Variants in CNTN5 observed in about 807,000 individuals in gnomAD.
CNTN5 encodes the protein contactin 5.
A neutral mutation model predicts 129.1 loss-of-function variants in CNTN5; 77 were observed. The ratio of observed to expected loss-of-function variants is 0.60; its 90% confidence interval spans 0.50 to 0.72. The LOEUF is 0.72. Among genes scored for constraint, CNTN5 ranks in the 30% least tolerant of loss-of-function variants. The pLI is 0.00. For missense variants in CNTN5, 1,478 were observed against 1,328.8 expected, an observed-to-expected ratio of 1.11 and a Z score of -1.75; for synonymous variants, 509 against 465.6, an observed-to-expected ratio of 1.09 and a Z score of -1.20.
intron 21 of CNTN5, among the ~76,000 whole-genome samples, chr11:100,327,714 A>G (rs182483347): frequency 4.6e-5 from 7 of 152,316 alleles, no homozygotes; most frequent in Admixed American, 1.3e-4. Context: ...TTGGTAAATA[A>G]CACTGAGTCA....
At chr11:99,581,851 A>C (rs1248277726) in intron 3 of CNTN5, among the ~76,000 whole-genome samples, 1 of 152,118 alleles carries the variant, frequency 6.6e-6, no homozygotes, top group East Asian at 1.9e-4. Context: ...GTTATATGTG[A>C]ATTTGATCCT....
chr11:99,576,193 G>C (rs936277446), intron 3 of CNTN5, among the ~76,000 whole-genome samples: 1 of 152,178 alleles, frequency 6.6e-6, no homozygotes, highest in African/African-American at 2.4e-5. Flanking sequence ...AGGAATGAGA[G>C]ATTGAATTTT....
At chr11:99,885,513 G>C (rs1444681892) in intron 6 of CNTN5, among the ~76,000 whole-genome samples, 1 of 152,008 alleles carries the variant, frequency 6.6e-6, no homozygotes, top group Non-Finnish European at 1.5e-5. Flanking sequence ...TTGTAAATAA[G>C]CAAAACTGAG....
intron 13 of CNTN5, among the ~76,000 whole-genome samples, chr11:100,132,207 C>T (rs867161099): frequency 3.3e-5 from 5 of 152,108 alleles, no homozygotes; most frequent in South Asian, 2.1e-4. Flanking sequence ...AAGGTCAACG[C>T]TTATTCAGGT....
intron 3 of CNTN5, among the ~76,000 whole-genome samples, chr11:99,772,923 T>A (rs1235464362): frequency 6.6e-6 from 1 of 152,100 alleles, no homozygotes; most frequent in Non-Finnish European, 1.5e-5. Flanking sequence ...TTTTGTATTG[T>A]CTAAGTCAGA....
chr11:100,042,941 A>T (rs1397769544), intron 9 of CNTN5, among the ~76,000 whole-genome samples: 3 of 152,208 alleles, frequency 2.0e-5, no homozygotes, highest in Non-Finnish European at 2.9e-5. Context: ...ACAGAACTAA[A>T]ATAGGAGAAA....
At chr11:99,313,490 C>G (rs1865205270) in intron 1 of CNTN5, among the ~76,000 whole-genome samples, 1 of 151,922 alleles carries the variant, frequency 6.6e-6, no homozygotes, top group Non-Finnish European at 1.5e-5. Flanking sequence ...AACATTGAAA[C>G]AGCAGGGAAA....
At chr11:99,907,100 G>GT (rs761286896) in intron 6 of CNTN5, among the ~76,000 whole-genome samples, 4 of 151,946 alleles carry the variant, frequency 2.6e-5, no homozygotes, top group South Asian at 2.1e-4. Flanking sequence ...TTTTTGAAGG[G>GT]TTTTTTGTGT....
rs948403527 is a variant in CNTN5, at chr11:99,028,059, T to C, written c.-210+6789T>C. On this transcript the variant is annotated intron_variant, in intron 1 of 24. Transcript: ENST00000524871. Reference sequence around the variant, plus strand: ...TTTGAATTTTTACTTTCCTTAGTTATTTATTTTCCTAAAACTTACATTCAA... The same window carrying C: ...TTTGAATTTTTACTTTCCTTAGTTACTTATTTTCCTAAAACTTACATTCAA... Among the ~76,000 whole-genome samples the C allele has an allele frequency of 2.6e-5, 4 of 151,806 alleles. No homozygotes were observed. In the East Asian group the frequency reaches 5.8e-4, roughly 22 times the overall value.
chr11:99,784,936 A>G (rs1431657597), intron 3 of CNTN5, among the ~76,000 whole-genome samples: 2 of 151,308 alleles, frequency 1.3e-5, no homozygotes, highest in South Asian at 2.1e-4. Context: ...AATAGGTGAG[A>G]CTACAGGTGC....
chr11:99,785,128 G>A (rs1280567238), intron 3 of CNTN5, among the ~76,000 whole-genome samples: 1 of 151,878 alleles, frequency 6.6e-6, no homozygotes, highest in Non-Finnish European at 1.5e-5. Context: ...CCTTATTGTG[G>A]TTTTGATTTG....
chr11:100,122,312 C>T (rs1053742400), intron 13 of CNTN5, among the ~76,000 whole-genome samples: 5 of 151,980 alleles, frequency 3.3e-5, no homozygotes, highest in African/African-American at 1.2e-4. Flanking sequence ...CCAAGTTCAG[C>T]AGAGAGATTG....
chr11:99,051,631 A>G (rs371348852), intron 1 of CNTN5, among the ~76,000 whole-genome samples: 1 of 151,912 alleles, frequency 6.6e-6, no homozygotes, highest in Admixed American at 6.6e-5. Context: ...TAAGGAAACC[A>G]TTACATAAGA....
At chr11:99,565,739 G>GTTGT (rs1461740573) in intron 3 of CNTN5, among the ~76,000 whole-genome samples, 4 of 152,068 alleles carry the variant, frequency 2.6e-5, no homozygotes, top group African/African-American at 4.8e-5. Context: ...ACCTGATTGG[G>GTTGT]TTGTTAGGTA....
chr11:100,254,452 T>G (rs565797257), intron 16 of CNTN5, among the ~76,000 whole-genome samples: 2 of 152,294 alleles, frequency 1.3e-5, no homozygotes, highest in East Asian at 3.9e-4. Context: ...AAATTGTCAT[T>G]TCTTCTCAAG....
intron 3 of CNTN5, among the ~76,000 whole-genome samples, chr11:99,804,061 CAT>C (rs1241464223): frequency 6.6e-6 from 1 of 152,102 alleles, no homozygotes; most frequent in African/African-American, 2.4e-5. Flanking sequence ...AATGACAGCA[CAT>C]GTCAGAAAAT....
intron 13 of CNTN5, among the ~76,000 whole-genome samples, chr11:100,097,801 A>G (rs1945061043): frequency 6.6e-6 from 1 of 152,080 alleles, no homozygotes; most frequent in Non-Finnish European, 1.5e-5. Context: ...GTTATTAAAA[A>G]CAGCTATTCA....
intron 3 of CNTN5, among the ~76,000 whole-genome samples, chr11:99,779,020 T>C (rs1302107991): frequency 6.6e-6 from 1 of 151,878 alleles, no homozygotes; most frequent in African/African-American, 2.4e-5. Flanking sequence ...ACTACCATTT[T>C]ATACCTCATC....
intron 1 of CNTN5, among the ~76,000 whole-genome samples, chr11:99,275,368 T>C (rs1863378476): frequency 6.6e-6 from 1 of 151,618 alleles, no homozygotes; most frequent in Non-Finnish European, 1.5e-5. Context: ...CCTTTTATAC[T>C]ATAATTAAAT....
Sources: gnomAD v4.1 joint callset for allele counts (sites outside exome capture counted in the v4.1 genomes callset) on GRCh38, gnomAD v4.1.1 for gene constraint, MANE v1.5 for transcripts, NCBI Gene and HGNC (gene_info 2026-07-23, HGNC 2026-07-21) for gene names.